The following FBXO44 variants were observed in gnomAD, a reference collection of about 807,000 sequenced individuals.
FBXO44 encodes the protein F-box protein 44, also known as F-box only protein 44.
Under a neutral mutation model 33.5 loss-of-function variants are expected in FBXO44, and 25 were observed. That is an observed-to-expected ratio of 0.75 (90% CI 0.54 to 1.04). The LOEUF (loss-of-function observed/expected upper bound fraction) is 1.04, where lower values mean the gene tolerates loss of function less well. Ranked by LOEUF, FBXO44 falls within the 50% of genes least tolerant of loss-of-function variation. FBXO44 has a pLI of 0.00. For missense variants in FBXO44, 311 were observed against 344.0 expected (o/e 0.90, Z 0.76); for synonymous variants, 147 against 152.8 (o/e 0.96, Z 0.28).
At position 11,661,501 on chromosome 1, in the gene FBXO44, C is replaced by T. The variant is rs775381408; in HGVS notation, c.*228C>T. ...CCTGAATGATGGCCGGGGAAGCCTG[C>T]GTGTGCCCCTTTCAGAGACGGAGCA... On this transcript the variant is annotated 3_prime_UTR_variant, in exon 6 of 6. Coordinates refer to ENST00000251547, the MANE Select transcript of FBXO44 (RefSeq NM_033182.7). The surrounding 1 kb of genome is among the most constrained non-coding windows in gnomAD (Gnocchi z 4.4). 1.4e-4 allele frequency: 77 copies of T among 557,622 alleles called. No individual in the cohort carries two copies. The highest frequency in any genetic ancestry group is 2.0e-4 in the Non-Finnish European group (66 of 326,172). 34.5% of individuals were successfully genotyped at this position (557,622 alleles called of 1,614,324 possible).
chr1:11,654,548 C>T, upstream of FBXO44: 2 of 400,818 alleles, frequency 5.0e-6, no homozygotes, highest in Non-Finnish European at 8.6e-6. Context: ...CCCGGGGCTG[C>T]GGGTTCCTCA....
chr1:11,656,191 G>A (rs1032087041), intron 2 of FBXO44, 91 bp downstream of exon 2: 55 of 1,533,070 alleles, frequency 3.6e-5, no homozygotes, highest in Middle Eastern at 1.8e-4. Flanking sequence ...CGGGTACTTT[G>A]GATGGTTTAA....
Position 11,661,397 on chromosome 1 carries a change from G to T in FBXO44, c.*124G>T. ...AGACCTCTAACCCTTGCCCCTAGCAGCCTCTTCTTTGTGGAGCCTCTCAGT... is the reference window on the plus strand; with the variant it reads ...AGACCTCTAACCCTTGCCCCTAGCATCCTCTTCTTTGTGGAGCCTCTCAGT... On this transcript the variant is annotated 3_prime_UTR_variant, in exon 6 of 6. Coordinates refer to ENST00000251547, the MANE Select transcript of FBXO44 (RefSeq NM_033182.7). The surrounding 1 kb of genome is among the most constrained non-coding windows in gnomAD (Gnocchi z 4.4). The T allele has an allele frequency of 7.0e-7, 1 of 1,424,950 alleles. No homozygotes were observed. 88.3% of individuals were successfully genotyped at this position (1,424,950 alleles called of 1,614,324 possible).
In FBXO44 at chr1:11,661,106, TC is replaced by T. The variant is rs763920664; in HGVS notation, c.625-18del. On this transcript the variant is annotated intron_variant, in intron 5 of 5. Coordinates refer to ENST00000251547, the MANE Select transcript of FBXO44 (RefSeq NM_033182.7). The surrounding 1 kb of genome is among the most constrained non-coding windows in gnomAD (Gnocchi z 4.4). ...CCTGAGTCAGCTCCCTTGACCTTTC[TC>T]CCCCCTCTACCTGCCCTGCCAGGTC... The T allele has an allele frequency of 5.0e-6, 8 of 1,598,722 alleles. No homozygotes were observed. The highest frequency in any genetic ancestry group is 2.2e-5 in the East Asian group (1 of 44,558).
At chr1:11,657,961 G>A (rs550166823) in intron 2 of FBXO44, among the ~76,000 whole-genome samples, 14 of 152,180 alleles carry the variant, frequency 9.2e-5, no homozygotes, top group African/African-American at 2.2e-4. Context: ...TCAGACAACC[G>A]AGTACTGGTA....
In FBXO44 at chr1:11,658,787, C is replaced by A. The variant is rs762959609; in HGVS notation, c.540C>A (p.Leu180=). The change falls in exon 5 of 6, where the codon CTC becomes CTA. Residue 180 remains leucine (L), a synonymous_variant. Transcript: ENST00000251547. ...CGSKYQLCVQ[L]LSSAHAPLGT... ...CCAAGTACCAGCTGTGCGTTCAGCT[C>A]CTGTCGTCCGCGCACGCGCCTCTGG... The A allele has an allele frequency of 1.1e-5, 18 of 1,613,976 alleles. No homozygotes were observed. The Admixed American group carries it at 3.0e-4, about 27-fold the overall frequency.
intron 5 of FBXO44, 81 bp downstream of exon 5, chr1:11,658,952 C>G (rs1640011635): frequency 6.5e-7 from 1 of 1,536,422 alleles, no homozygotes. Flanking sequence ...GGTTCAGATC[C>G]AAGCTCTGCA....
chr1:11,656,729 C>T (rs1234287222), intron 2 of FBXO44, among the ~76,000 whole-genome samples: 1 of 152,192 alleles, frequency 6.6e-6, no homozygotes, highest in Admixed American at 6.5e-5. Context: ...TCCCAAAGTG[C>T]TGGGATTACA....
At chr1:11,656,238 C>CT in intron 2 of FBXO44, 138 bp downstream of exon 2, 1 of 1,187,632 alleles carries the variant, frequency 8.4e-7, no homozygotes, top group Non-Finnish European at 1.2e-6. Flanking sequence ...AAAGAGGTAG[C>CT]TACTGTTAGT....
Position 11,656,111 on chromosome 1 carries a change from G to A in FBXO44, c.265+11G>A, listed in dbSNP as rs1217862703. ...ACCCGTGCGCTGAAGGTGGGGTACA[G>A]GCCGGGTCTGGCATGCCTCCAGTAC... On this transcript the variant is annotated intron_variant, in intron 2 of 5. Transcript: ENST00000251547. The A allele has an allele frequency of 3.1e-6, 5 of 1,611,796 alleles. No homozygotes were observed. Among genetic ancestry groups the A allele is most frequent in the Non-Finnish European group, 4.2e-6 (5 of 1,178,296 alleles).
At chr1:11,660,296 G>C (rs1457174270) in intron 5 of FBXO44, among the ~76,000 whole-genome samples, 2 of 152,214 alleles carry the variant, frequency 1.3e-5, no homozygotes, top group East Asian at 3.9e-4. Flanking sequence ...TGAGTAGCTG[G>C]GATTACAGGC....
At position 11,662,447 on chromosome 1, in the gene FBXO44, C is replaced by G. The variant is rs1640241913; in HGVS notation, c.*1174C>G. 6.6e-6 allele frequency: 1 copy of G among 152,248 alleles called. No individual in the cohort carries two copies. Among genetic ancestry groups the G allele is most frequent in the Non-Finnish European group, 1.5e-5 (1 of 68,070 alleles). The allele number at this position is 152,248 out of a possible 1,614,324, so 9.4% of individuals were successfully genotyped here. On this transcript the variant is annotated 3_prime_UTR_variant, in exon 6 of 6. Transcript: ENST00000251547. ...GAAACAGGTTCATGGGCAGACCCCT[C>G]AGTGAGCTGCAGGTATCTCACCTGG...
chr1:11,655,153 T>G, intron 1 of FBXO44, among the ~76,000 whole-genome samples: 1 of 149,028 alleles, frequency 6.7e-6, no homozygotes. Flanking sequence ...TGTACAGGGG[T>G]CCGAGCCCAG....
At chr1:11,660,779 C>T (rs1173899187) in intron 5 of FBXO44, among the ~76,000 whole-genome samples, 1 of 151,966 alleles carries the variant, frequency 6.6e-6, no homozygotes, top group Non-Finnish European at 1.5e-5. Flanking sequence ...TGTTAAGGCT[C>T]ATCTTTTATT....
chr1:11,659,791 C>T (rs1640069536), intron 5 of FBXO44, among the ~76,000 whole-genome samples: 1 of 152,114 alleles, frequency 6.6e-6, no homozygotes, highest in African/African-American at 2.4e-5. Flanking sequence ...CCACTGTGCC[C>T]AGCCCTAGCA....
At chr1:11,660,595 T>C (rs1640119104) in intron 5 of FBXO44, among the ~76,000 whole-genome samples, 1 of 152,186 alleles carries the variant, frequency 6.6e-6, no homozygotes, top group Non-Finnish European at 1.5e-5. Context: ...AGGATTTTGC[T>C]CCATTTTATA....
Position 11,661,258 on chromosome 1 carries a change from G to A in FBXO44, c.753G>A (p.Gly251=), listed in dbSNP as rs200874938. 3.0e-4 allele frequency: 485 copies of A among 1,614,042 alleles called. 2 individuals are homozygous for A. In the East Asian group the frequency reaches 8.5e-3, roughly 28 times the overall value. Residue 251 remains glycine (G), a synonymous_variant, in exon 6 of 6, where the codon GGG becomes GGA. Coordinates refer to ENST00000251547, the MANE Select transcript of FBXO44 (RefSeq NM_033182.7). This position sits in a 1 kb window ranked among gnomAD's most constrained non-coding sequence, Gnocchi z 4.4. The part of the protein sequence containing the change: ...PRVTNSSITI[G]PPLP ...TCACCAACAGCAGCATCACCATCGG[G>A]CCCCCGCTGCCCTGACACCCCCTGA...
Position 11,658,604 on chromosome 1 carries a change from G to C in FBXO44, c.464G>C (p.Arg155Pro). The change falls in exon 4 of 6, where the codon CGG becomes CCG. Residue 155 changes from arginine (R) to proline (P), a missense_variant. By Grantham distance (103) the Arg-to-Pro change is moderately radical (BLOSUM62 -2). Transcript: ENST00000251547. Reference sequence around the variant, plus strand: ...TGGGAGGAGCTGATGGATACCACACGGCCGGACATCGAGGTCAAGGACTGG... The same window carrying C: ...TGGGAGGAGCTGATGGATACCACACCGCCGGACATCGAGGTCAAGGACTGG... ...GYWEELMDTT[R>P]PDIEVKDWFA... 6.2e-7 allele frequency: 1 copy of C among 1,613,560 alleles called. No homozygotes were observed. Among genetic ancestry groups the C allele is most frequent in the Non-Finnish European group, 8.5e-7 (1 of 1,179,998 alleles).
At position 11,662,783 on chromosome 1, in the gene FBXO44, G is replaced by A. The variant is rs1269173127; in HGVS notation, c.*1510G>A. The stretch of plus-strand genomic sequence containing the variant: ...CTGGTGGGAAGTGATTGGATTATGG[G>A]AGCGGTTTTCCCCCATGCTGTTCTC... On this transcript the variant is annotated 3_prime_UTR_variant, in exon 6 of 6. Transcript: ENST00000251547. 1 of 152,072 alleles carries A rather than the reference G, an allele frequency of 6.6e-6. No individual in the cohort carries two copies. Among genetic ancestry groups the A allele is most frequent in the Non-Finnish European group, 1.5e-5 (1 of 68,044 alleles). The allele number at this position is 152,072 out of a possible 1,614,324, so 9.4% of individuals were successfully genotyped here. A position where few individuals can be genotyped will look rare whatever the true frequency, so the allele number is the denominator to read the frequency against.
Sources: allele counts gnomAD v4.1 joint callset (sites outside exome capture counted in the v4.1 genomes callset), GRCh38; gene constraint gnomAD v4.1.1; non-coding constraint Gnocchi (gnomAD v3.1); transcripts MANE v1.5; gene names NCBI Gene and HGNC (gene_info 2026-07-23, HGNC 2026-07-21).